RALGPS1: variants seen among roughly 807,000 people sequenced by gnomAD.
RALGPS1 encodes Ral GEF with PH domain and SH3 binding motif 1, also known as ras-specific guanine nucleotide-releasing factor RalGPS1.
RALGPS1 carries 19 observed loss-of-function variants against 78.8 expected under a neutral mutation model. The ratio of observed to expected loss-of-function variants is 0.24; its 90% confidence interval spans 0.17 to 0.35. The LOEUF (loss-of-function observed/expected upper bound fraction) is 0.35, where lower values mean the gene tolerates loss of function less well. Ranked by LOEUF, RALGPS1 falls within the 10% of genes least tolerant of loss-of-function variation. RALGPS1 has a pLI of 1.00. For missense variants in RALGPS1, 454 were observed against 688.3 expected (o/e 0.66, Z 3.81); for synonymous variants, 228 against 256.3 (o/e 0.89, Z 1.06).
intron 8 of RALGPS1, among the ~76,000 whole-genome samples, chr9:127,150,007 G>T (rs1275984770): frequency 6.6e-6 from 1 of 152,214 alleles, no homozygotes; most frequent in Non-Finnish European, 1.5e-5. Context: ...GCCATGCCAT[G>T]GATCAGGACC....
intron 1 of RALGPS1, among the ~76,000 whole-genome samples, chr9:126,929,985 A>G (rs1376837689): frequency 6.6e-6 from 1 of 151,900 alleles, no homozygotes; most frequent in Non-Finnish European, 1.5e-5. Flanking sequence ...GGTGTGCGCC[A>G]CCACTCCTGG....
At chr9:126,950,499 G>T (rs141116495) in intron 1 of RALGPS1, among the ~76,000 whole-genome samples, 1 of 152,118 alleles carries the variant, frequency 6.6e-6, no homozygotes, top group African/African-American at 2.4e-5. Flanking sequence ...TTGAGCAGTG[G>T]TTTGTAGAAA....
At chr9:127,179,150 C>T (rs1431687619) in intron 11 of RALGPS1, among the ~76,000 whole-genome samples, 3 of 152,218 alleles carry the variant, frequency 2.0e-5, no homozygotes, top group Admixed American at 1.3e-4. Context: ...AGCCCCAGCT[C>T]ATAGGAGTGT....
chr9:127,114,638 G>T (rs149621875), intron 8 of RALGPS1, among the ~76,000 whole-genome samples: 78 of 152,276 alleles, frequency 5.1e-4, no homozygotes, highest in Middle Eastern at 6.8e-3. Flanking sequence ...CTCACCACCC[G>T]TCCTCTGGTC....
At chr9:127,065,721 C>G (rs1356216665) in intron 7 of RALGPS1, among the ~76,000 whole-genome samples, 1 of 152,094 alleles carries the variant, frequency 6.6e-6, no homozygotes, top group African/African-American at 2.4e-5. Flanking sequence ...AGGGCTGATC[C>G]AGTGTGCACC....
At chr9:127,149,036 C>T (rs1393469704) in intron 8 of RALGPS1, among the ~76,000 whole-genome samples, 1 of 152,218 alleles carries the variant, frequency 6.6e-6, no homozygotes, top group Non-Finnish European at 1.5e-5. Context: ...AGGGAGGCAC[C>T]GTTGTTAGCC....
intron 4 of RALGPS1, among the ~76,000 whole-genome samples, chr9:127,021,624 CTTCT>C (rs912423244): frequency 1.2e-4 from 16 of 130,764 alleles, no homozygotes; most frequent in South Asian, 5.0e-4. Context: ...TTTTCTTCTT[CTTCT>C]TTTTTTTTTT....
intron 8 of RALGPS1, among the ~76,000 whole-genome samples, chr9:127,150,167 A>T (rs1031972777): frequency 4.6e-5 from 7 of 152,216 alleles, no homozygotes; most frequent in African/African-American, 1.7e-4. Flanking sequence ...TGCTCAGCCC[A>T]GAGCTTGTGA....
rs1387998150 is a variant in RALGPS1 at position 127,122,797 on chromosome 9, G to C, written c.611-43272G>C. 1 of 152,478 alleles carries C rather than the reference G, an allele frequency of 6.6e-6. No homozygotes were observed. Among genetic ancestry groups the C allele is most frequent in the East Asian group, 1.9e-4 (1 of 5,178 alleles). 9.4% of individuals were successfully genotyped at this position (152,478 alleles called of 1,614,324 possible). On this transcript the variant is annotated intron_variant, in intron 8 of 18. Coordinates refer to ENST00000259351, the MANE Select transcript of RALGPS1 (RefSeq NM_014636.3). The surrounding 1 kb of genome is among the most constrained non-coding windows in gnomAD (Gnocchi z 6.4). Reference sequence around the variant, plus strand: ...CCTCCCCTCAGCCCCAGACAGAGGCGGGCCGCCCGGTGATGTCACACGAGC... The same window carrying C: ...CCTCCCCTCAGCCCCAGACAGAGGCCGGCCGCCCGGTGATGTCACACGAGC...
At chr9:127,129,197 G>A (rs1193632656) in intron 8 of RALGPS1, among the ~76,000 whole-genome samples, 2 of 152,200 alleles carry the variant, frequency 1.3e-5, no homozygotes, top group Non-Finnish European at 2.9e-5. Flanking sequence ...CATAGCTGGT[G>A]CATGGCCCCA....
In RALGPS1 at chr9:127,205,866, C is replaced by A. The variant is rs116363631; in HGVS notation, c.1248-6265C>A. On this transcript the variant is annotated intron_variant, in intron 14 of 18. Transcript: ENST00000259351. The surrounding 1 kb of genome is among the most constrained non-coding windows in gnomAD (Gnocchi z 4.0). ...CACCAGGAGAGAAGATCTGGCATAC[C>A]TGGCTTGGATCACTGGTGTTGCCCT... Among the ~76,000 whole-genome samples, 284 of 152,336 alleles carry A rather than the reference C, an allele frequency of 1.9e-3. 2 individuals are homozygous for A. The highest frequency in any genetic ancestry group is 6.3e-3 in the African/African-American group (260 of 41,572).
chr9:127,028,963 C>G (rs978007288), intron 4 of RALGPS1, among the ~76,000 whole-genome samples: 3 of 152,022 alleles, frequency 2.0e-5, no homozygotes, highest in African/African-American at 7.2e-5. Context: ...CAGAGCCAGC[C>G]CCTCTGCCAG....
chr9:127,174,169 C>A (rs1016611696), intron 10 of RALGPS1, among the ~76,000 whole-genome samples: 7 of 150,782 alleles, frequency 4.6e-5, no homozygotes, highest in Non-Finnish European at 8.8e-5. Context: ...GAGGCTGAGG[C>A]AGGAGAATCA....
rs978311405 is a variant in RALGPS1, at chr9:126,955,930, T to G, written c.-65-6295T>G. On this transcript the variant is annotated intron_variant, in intron 1 of 18. Coordinates refer to ENST00000259351, the MANE Select transcript of RALGPS1 (RefSeq NM_014636.3). ...GTGGAAGTCTACTCTAACTGCCTGA[T>G]GCTGACAGAGAGGCATTTATCGCCG... Among the ~76,000 whole-genome samples, 7 of 152,220 alleles carry G rather than the reference T, an allele frequency of 4.6e-5. 1 individual carries two copies. The highest frequency in any genetic ancestry group is 1.0e-4 in the Non-Finnish European group (7 of 68,040).
intron 1 of RALGPS1, among the ~76,000 whole-genome samples, chr9:126,935,456 C>G (rs929657829): frequency 1.3e-5 from 2 of 152,136 alleles, no homozygotes; most frequent in Non-Finnish European, 2.9e-5. Context: ...TAGGAACAGC[C>G]ACAACAAATG....
chr9:127,079,936 C>T (rs1384542567), intron 8 of RALGPS1: 2 of 152,252 alleles, frequency 1.3e-5, no homozygotes, highest in African/African-American at 4.8e-5. Flanking sequence ...ACATTTATTA[C>T]TTTGTTGACC....
At chr9:126,928,316 C>G (rs760934628) in intron 1 of RALGPS1, among the ~76,000 whole-genome samples, 33 of 152,096 alleles carry the variant, frequency 2.2e-4, no homozygotes, top group Non-Finnish European at 4.7e-4. Flanking sequence ...GAGGGGGAGT[C>G]CTTAATACCA....
At chr9:127,113,004 G>T (rs187287675) in intron 8 of RALGPS1, among the ~76,000 whole-genome samples, 24 of 152,286 alleles carry the variant, frequency 1.6e-4, no homozygotes, top group Admixed American at 1.4e-3. Flanking sequence ...GTCATGTTGC[G>T]AGCAGTGGGA....
intron 3 of RALGPS1, 26 bp from the exon 4 acceptor site, chr9:126,977,669 C>T: frequency 6.5e-7 from 1 of 1,527,148 alleles, no homozygotes; most frequent in Non-Finnish European, 9.0e-7. Context: ...ACAGTATTTT[C>T]TAAAATTGAT....
Sources: gnomAD v4.1 joint callset for allele counts (sites outside exome capture counted in the v4.1 genomes callset) on GRCh38, gnomAD v4.1.1 for gene constraint, Gnocchi (gnomAD v3.1) non-coding constraint, MANE v1.5 for transcripts, NCBI Gene and HGNC (gene_info 2026-07-23, HGNC 2026-07-21) for gene names.